Variants in CACNA1E observed in about 807,000 individuals in gnomAD.
CACNA1E encodes the protein calcium voltage-gated channel subunit alpha1 E.
In CACNA1E, 40 loss-of-function variants were observed where a neutral mutation model predicts 259.2. The observed-to-expected ratio is 0.15, with a 90% CI of 0.12 to 0.20. The LOEUF (loss-of-function observed/expected upper bound fraction) is 0.20. CACNA1E is among the 10% of genes least tolerant of loss of function. The probability of loss-of-function intolerance (pLI) is 1.00; values close to 1 mark genes in which losing one functional copy is unlikely to be tolerated. For missense variants in CACNA1E, 1,874 were observed against 3,040.1 expected (o/e 0.62, Z 9.02); for synonymous variants, 1,104 against 1,138.5 (o/e 0.97, Z 0.61).
At chr1:181,633,945 C>T (rs1656978329) in intron 6 of CACNA1E, among the ~76,000 whole-genome samples, 2 of 152,216 alleles carry the variant, frequency 1.3e-5, no homozygotes, top group South Asian at 4.1e-4. Context: ...CAGGGTTTTC[C>T]TATTAGCCTA....
At chr1:181,557,345 T>C (rs1648839324) in intron 3 of CACNA1E, among the ~76,000 whole-genome samples, 2 of 152,208 alleles carry the variant, frequency 1.3e-5, no homozygotes, top group African/African-American at 2.4e-5. Context: ...CTACTGAGTT[T>C]TCTGTACAGC....
chr1:181,597,732 G>A (rs1295874072), intron 6 of CACNA1E, among the ~76,000 whole-genome samples: 10 of 152,302 alleles, frequency 6.6e-5, no homozygotes, highest in Non-Finnish European at 7.4e-5. Context: ...CACATGGCTG[G>A]GGAGGCCTCA....
intron 35 of CACNA1E, 27 bp downstream of exon 35, chr1:181,766,638 G>A: frequency 6.4e-7 from 1 of 1,553,334 alleles, no homozygotes; most frequent in Non-Finnish European, 8.9e-7. Context: ...AGGGCCCGGT[G>A]GGGGACAGCT....
At chr1:181,408,134 C>A (rs559984350) in intron 1 of CACNA1E, among the ~76,000 whole-genome samples, 6 of 152,270 alleles carry the variant, frequency 3.9e-5, no homozygotes, top group African/African-American at 9.6e-5. Context: ...GAACTCAGAA[C>A]TTTCAGGGAA....
chr1:181,494,316 GTT>G (rs80037910), intron 1 of CACNA1E, among the ~76,000 whole-genome samples: 14 of 136,438 alleles, frequency 1.0e-4, no homozygotes, highest in African/African-American at 2.6e-4. Context: ...TTAAAGTGGT[GTT>G]TTTTTTTTTT....
At chr1:181,578,553 C>T (rs1221564102) in intron 4 of CACNA1E, among the ~76,000 whole-genome samples, 8 of 152,072 alleles carry the variant, frequency 5.3e-5, no homozygotes, top group African/African-American at 9.7e-5. Context: ...GGCGACAGAC[C>T]GACACTCTGT....
intron 27 of CACNA1E, among the ~76,000 whole-genome samples, chr1:181,754,422 G>T (rs1003146007): frequency 2.6e-5 from 4 of 152,184 alleles, no homozygotes; most frequent in Admixed American, 2.6e-4. Context: ...GGGCTAGATT[G>T]TCCTGTGAGC....
At chr1:181,470,553 C>T (rs931620290) in intron 2 of CACNA1E, among the ~76,000 whole-genome samples, 1 of 152,050 alleles carries the variant, frequency 6.6e-6, no homozygotes, top group African/African-American at 2.4e-5. Flanking sequence ...TCCTAGGGCA[C>T]TGTGGCAACA....
chr1:181,603,500 G>A (rs1474192306), intron 6 of CACNA1E, among the ~76,000 whole-genome samples: 5 of 152,094 alleles, frequency 3.3e-5, no homozygotes, highest in Non-Finnish European at 5.9e-5. Flanking sequence ...CTTTTCATGA[G>A]GCATGCATGT....
chr1:181,330,586 G>T (rs1397014196), intron 1 of CACNA1E, among the ~76,000 whole-genome samples: 1 of 152,184 alleles, frequency 6.6e-6, no homozygotes, highest in Admixed American at 6.5e-5. Flanking sequence ...AAGGCCTGCT[G>T]GCACCTGAGA....
intron 2 of CACNA1E, among the ~76,000 whole-genome samples, chr1:181,416,893 G>A (rs528862961): frequency 4.6e-5 from 7 of 152,156 alleles, no homozygotes; most frequent in African/African-American, 1.2e-4. Context: ...TCTTCCCCAC[G>A]TCTTCAGCTG....
At chr1:181,717,403 G>A in intron 11 of CACNA1E, 101 bp downstream of exon 11, 1 of 936,956 alleles carries the variant, frequency 1.1e-6, no homozygotes, top group East Asian at 2.4e-5. Flanking sequence ...GCTAGGAAAG[G>A]TTCTACCTCT....
At chr1:181,555,377 C>T (rs971030076) in intron 3 of CACNA1E, among the ~76,000 whole-genome samples, 1 of 152,204 alleles carries the variant, frequency 6.6e-6, no homozygotes, top group Non-Finnish European at 1.5e-5. Context: ...CCCACCTTCT[C>T]CTAATCAGCA....
chr1:181,789,524 G>C (rs557635402), intron 43 of CACNA1E, among the ~76,000 whole-genome samples: 1 of 152,100 alleles, frequency 6.6e-6, no homozygotes, highest in Admixed American at 6.5e-5. Context: ...GAGAGCTGCT[G>C]CCCAGCCACT....
chr1:181,647,346 T>C (rs1402117407), intron 6 of CACNA1E, among the ~76,000 whole-genome samples: 2 of 152,076 alleles, frequency 1.3e-5, no homozygotes, highest in African/African-American at 4.8e-5. Context: ...GAAGAGTCTC[T>C]GGGGAAAATA....
chr1:181,576,998 T>TAATCTTCTGCTATGTCTTTCATAGCAGA (rs1651041555), intron 3 of CACNA1E, among the ~76,000 whole-genome samples: 1 of 152,230 alleles, frequency 6.6e-6, no homozygotes, highest in Non-Finnish European at 1.5e-5. Context: ...CTTCTGCTCT[T>TAATCTTCTGCTATGTCTTTCATAGCAGA]AATCTTCTGC....
At chr1:181,382,065 C>T (rs769408583) in intron 1 of CACNA1E, among the ~76,000 whole-genome samples, 2 of 152,140 alleles carry the variant, frequency 1.3e-5, no homozygotes, top group Non-Finnish European at 2.9e-5. Context: ...GGGGACAGCC[C>T]CTAGGCTGGA....
intron 32 of CACNA1E, among the ~76,000 whole-genome samples, chr1:181,759,119 A>T (rs1254133314): frequency 6.6e-6 from 1 of 152,228 alleles, no homozygotes; most frequent in Admixed American, 6.5e-5. Flanking sequence ...GGCGGCCATC[A>T]TTGAGTTTCA....
intron 2 of CACNA1E, among the ~76,000 whole-genome samples, chr1:181,468,222 A>G (rs1662270623): frequency 6.6e-6 from 1 of 152,208 alleles, no homozygotes; most frequent in Non-Finnish European, 1.5e-5. Flanking sequence ...ATTGTACTCG[A>G]GATGTGAGCT....
Sources: gnomAD v4.1 joint callset for allele counts (sites outside exome capture counted in the v4.1 genomes callset) on GRCh38, gnomAD v4.1.1 for gene constraint, MANE v1.5 for transcripts, NCBI Gene and HGNC (gene_info 2026-07-23, HGNC 2026-07-21) for gene names.